Variants in GET4 observed in about 807,000 individuals in gnomAD.
GET4 encodes the protein guided entry of tail-anchored proteins factor 4.
In GET4, 20 loss-of-function variants were observed where a neutral mutation model predicts 40.0. The ratio of observed to expected loss-of-function variants is 0.50; its 90% CI spans 0.35 to 0.73. The LOEUF is 0.73. GET4 is among the 30% of genes least tolerant of loss of function. GET4 has a pLI of 0.01. For synonymous variants in GET4, 280 were observed against 194.6 expected (o/e 1.44, Z -3.65); for missense variants, 557 against 454.0 (o/e 1.23, Z -2.06).
At position 895,356 on chromosome 7, in the gene GET4, G is replaced by A. The variant is rs754836312; in HGVS notation, c.918G>A (p.Met306Ile). The stretch of plus-strand genomic sequence containing the variant: ...CAGGGAACCTTCTGACCAGCCTCAT[G>A]GGCTCCTCAGAGCAGGAGGATGGGG... Reference protein sequence around the residue: ...GLLGNLLTSLMGSSEQEDGEE... With the variant: ...GLLGNLLTSLIGSSEQEDGEE... The change falls in exon 9 of 9, where the codon ATG (methionine) becomes ATA (isoleucine). Residue 306 changes from methionine to isoleucine, a missense_variant. Transcript: ENST00000265857. The A allele has an allele frequency of 1.5e-5, 24 of 1,586,790 alleles. 1 individual carries two copies. In the Middle Eastern group the frequency reaches 6.6e-4, roughly 44 times the overall value.
chr7:895,192 G>T (rs1844449998), intron 8 of GET4, 142 bp from the exon 9 acceptor site: 1 of 491,796 alleles, frequency 2.0e-6, no homozygotes, highest in Admixed American at 3.7e-5. Context: ...CGGGGTTCCT[G>T]GGTCGTAGAC....
rs935280228 is a variant in GET4, at chr7:883,743, A to G, written c.156-2313A>G. On this transcript the variant is annotated intron_variant, in intron 1 of 8. Transcript: ENST00000265857. ...TCCCCGGCCTCGGGCTTGAGAGGGTACCTGTCCTGGCTTAGTCACCTGGAA... is the reference window on the plus strand; with the variant it reads ...TCCCCGGCCTCGGGCTTGAGAGGGTGCCTGTCCTGGCTTAGTCACCTGGAA... 16 of 986,248 alleles carry G rather than the reference A, an allele frequency of 1.6e-5. No homozygotes were observed. In the South Asian group the frequency reaches 2.8e-4, roughly 17 times the overall value. The allele number at this position is 986,248 out of a possible 1,614,324, so 61.1% of individuals were successfully genotyped here.
At chr7:890,877 C>CTGTGT in intron 4 of GET4, 51 bp from the exon 5 acceptor site, 1 of 1,415,140 alleles carries the variant, frequency 7.1e-7, no homozygotes, top group Non-Finnish European at 1.0e-6. Context: ...CTTTCCTTTT[C>CTGTGT]TGTGTTATAT....
In GET4 at chr7:890,925, C is replaced by T; in HGVS notation, c.467-3C>T. 6.3e-7 allele frequency: 1 copy of T among 1,598,718 alleles called. No individual in the cohort carries two copies. Among genetic ancestry groups the T allele is most frequent in the Non-Finnish European group, 8.6e-7 (1 of 1,166,416 alleles). ...TTTACATTTTTCTGTCTTTCCTTTGCAGAACAAAACTATTGTGAGTCGAGG... is the reference window on the plus strand; with the variant it reads ...TTTACATTTTTCTGTCTTTCCTTTGTAGAACAAAACTATTGTGAGTCGAGG... On this transcript the variant is annotated splice_region_variant and splice_polypyrimidine_tract_variant and intron_variant, in intron 4 of 8. Coordinates refer to ENST00000265857, the MANE Select transcript of GET4 (RefSeq NM_015949.3).
chr7:883,435 A>G (rs1844125757), intron 1 of GET4: 4 of 822,104 alleles, frequency 4.9e-6, no homozygotes, highest in Non-Finnish European at 5.9e-6. Flanking sequence ...AGTCTCGGCC[A>G]CTAGTTCTAA....
At chr7:893,133 G>GTGA (rs1562898095) in intron 6 of GET4, among the ~76,000 whole-genome samples, 1 of 105,646 alleles carries the variant, frequency 9.5e-6, no homozygotes, top group African/African-American at 3.0e-5. Flanking sequence ...TGTAGGCGTG[G>GTGA]TGTGTGCAGG....
At chr7:892,476 CGTG>C (rs752481691) in intron 6 of GET4, 58 bp downstream of exon 6, 164 of 1,551,936 alleles carry the variant, frequency 1.1e-4, no homozygotes, top group Middle Eastern at 9.4e-4. Flanking sequence ...TGTGTGTAGA[CGTG>C]GTGTGGATAG....
intron 1 of GET4, among the ~76,000 whole-genome samples, chr7:879,274 G>C (rs1315312218): frequency 6.6e-6 from 1 of 152,210 alleles, no homozygotes. Flanking sequence ...CTGGGTAAGC[G>C]AGTGGCCGGC....
chr7:884,204 A>T (rs1585491952), intron 1 of GET4: 1 of 1,303,552 alleles, frequency 7.7e-7, no homozygotes, highest in East Asian at 5.6e-5. Context: ...GGGTCGGTGC[A>T]TGCGGTTCTG....
At position 892,440 on chromosome 7, in the gene GET4, G is replaced by T. The variant is rs1003785304; in HGVS notation, c.746+22G>T. 3 of 1,582,202 alleles carry T rather than the reference G, an allele frequency of 1.9e-6. No individual in the cohort carries two copies. In the African/African-American group the frequency reaches 4.0e-5, roughly 21 times the overall value. On this transcript the variant is annotated intron_variant, in intron 6 of 8. Coordinates refer to ENST00000265857, the MANE Select transcript of GET4 (RefSeq NM_015949.3). ...ACGGGTGCGTCTTGGGATCCTGCAG[G>T]GGGAGGGGGCTGTGAATGTGCGGGT...
chr7:879,148 G>A (rs946283917), intron 1 of GET4, among the ~76,000 whole-genome samples: 1 of 152,250 alleles, frequency 6.6e-6, no homozygotes, highest in African/African-American at 2.4e-5. Flanking sequence ...AAGTGGAATT[G>A]TTACCTGGAA....
chr7:887,316 C>A, intron 3 of GET4, 54 bp from the exon 4 acceptor site: 2 of 1,534,236 alleles, frequency 1.3e-6, no homozygotes, highest in Non-Finnish European at 1.8e-6. Flanking sequence ...GAATGTGGGA[C>A]AGAGAGCCGG....
Position 893,791 on chromosome 7 carries a change from C to G in GET4, c.798C>G (p.Leu266=). Residue 266 remains leucine, a synonymous_variant, in exon 7 of 9, where the codon CTC becomes CTG. Transcript: ENST00000265857. ...TVLCEQYQPS[L]RRDPMYNEYL... is the part of the protein sequence containing the mutation. Reference sequence around the variant, plus strand: ...TGTGTGAGCAGTACCAGCCATCCCTCCGGCGGGACCCCATGTACAACGAGG... The same window carrying G: ...TGTGTGAGCAGTACCAGCCATCCCTGCGGCGGGACCCCATGTACAACGAGG... The G allele has an allele frequency of 1.9e-6, 3 of 1,611,404 alleles. No homozygotes were observed. The East Asian group carries it at 6.7e-5, about 36-fold the overall frequency.
In GET4 at chr7:891,007, T is replaced by C; in HGVS notation, c.546T>C (p.Tyr182=). The change falls in exon 5 of 9, where the codon TAT becomes TAC. Residue 182 remains tyrosine (Y), a synonymous_variant. Coordinates refer to ENST00000265857, the MANE Select transcript of GET4 (RefSeq NM_015949.3). ...GCTGTGCCAACATGCTGGTGGAGTA[T>C]TCCACGTCCCGCGGCTTCCGCAGCG... ...GEGCANMLVE[Y]STSRGFRSEV... 6.2e-7 allele frequency: 1 copy of C among 1,611,924 alleles called. No individual in the cohort carries two copies.
At chr7:893,117 G>A (rs1385542520) in intron 6 of GET4, among the ~76,000 whole-genome samples, 6 of 143,360 alleles carry the variant, frequency 4.2e-5, no homozygotes, top group East Asian at 4.2e-4. Context: ...GCAGGCAAGT[G>A]TTGGGTGTAG....
At chr7:883,671 G>T in intron 1 of GET4, 1 of 985,766 alleles carries the variant, frequency 1.0e-6, no homozygotes, top group Non-Finnish European at 1.2e-6. Context: ...GCAGCATGCA[G>T]AGCCGGGCCG....
intron 1 of GET4, chr7:882,007 T>C (rs1881115): frequency 0.81 from 123,739 of 152,186 alleles, 50,512 homozygotes; most frequent in East Asian, 1. Flanking sequence ...GGCATGATCT[T>C]GTTCCTTTTT....
chr7:894,426 G>T (rs912908339), intron 8 of GET4, among the ~76,000 whole-genome samples: 2 of 152,142 alleles, frequency 1.3e-5, no homozygotes, highest in Non-Finnish European at 2.9e-5. Flanking sequence ...TCACTGAGCC[G>T]CCTGCCTTCC....
At chr7:883,273 C>G (rs1224281355) in intron 1 of GET4, 2 of 152,962 alleles carry the variant, frequency 1.3e-5, no homozygotes, top group Non-Finnish European at 2.9e-5. Context: ...TCCTCTGGCC[C>G]CCTGTCCCGA....
Sources: gnomAD v4.1 joint callset for allele counts (sites outside exome capture counted in the v4.1 genomes callset) on GRCh38, gnomAD v4.1.1 for gene constraint, MANE v1.5 for transcripts, NCBI Gene and HGNC (gene_info 2026-07-23, HGNC 2026-07-21) for gene names.